LRRIQ3: variants seen among roughly 807,000 people sequenced by gnomAD.
The protein encoded by LRRIQ3 is leucine-rich repeat and IQ domain-containing protein 3.
Under a neutral mutation model 59.3 loss-of-function variants are expected in LRRIQ3, and 75 were observed. The ratio of observed to expected loss-of-function variants is 1.26; its 90% CI spans 1.05 to 1.53. The LOEUF (loss-of-function observed/expected upper bound fraction) is 1.53. LRRIQ3 is among the 40% of genes most tolerant of loss of function. The pLI, the probability that LRRIQ3 is intolerant of heterozygous loss-of-function variation, is 0.00. For synonymous variants in LRRIQ3, 250 were observed against 231.3 expected, an observed-to-expected ratio of 1.08 and a Z score of -0.73; for missense variants, 831 against 710.0, an observed-to-expected ratio of 1.17 and a Z score of -1.94.
intron 1 of LRRIQ3, among the ~76,000 whole-genome samples, chr1:74,193,457 C>T (rs1337186536): frequency 6.6e-6 from 1 of 151,992 alleles, no homozygotes; most frequent in Non-Finnish European, 1.5e-5. Context: ...AGTTATATCT[C>T]ATCTTCACAC....
intron 6 of LRRIQ3, among the ~76,000 whole-genome samples, chr1:74,043,657 T>G (rs1262099427): frequency 1.3e-5 from 2 of 152,120 alleles, no homozygotes; most frequent in East Asian, 3.9e-4. Context: ...TTTAAAAGTC[T>G]CCTAATTTCT....
In LRRIQ3 at chr1:74,026,335, T is replaced by C. The variant is rs563851705; in HGVS notation, c.*478A>G. 2 of 152,286 alleles carry C rather than the reference T, an allele frequency of 1.3e-5. No homozygotes were observed. Among genetic ancestry groups the C allele is most frequent in the East Asian group, 3.9e-4 (2 of 5,182 alleles). The allele number at this position is 152,286 out of a possible 1,614,324, so 9.4% of individuals were successfully genotyped here. The stretch of plus-strand genomic sequence containing the variant: ...CACTGACAAAATATTGAAACCATAC[T>C]TTAAAAAATAAATTCAGAAATTGTT... On this transcript the variant is annotated 3_prime_UTR_variant, in exon 8 of 8. Coordinates refer to ENST00000354431, the MANE Select transcript of LRRIQ3 (RefSeq NM_001105659.2).
chr1:74,072,093 T>G (rs909937549), intron 6 of LRRIQ3, among the ~76,000 whole-genome samples: 1 of 152,144 alleles, frequency 6.6e-6, no homozygotes, highest in Admixed American at 6.5e-5. Context: ...AGTTTGATTA[T>G]CACCATTATA....
chr1:74,154,227 C>G lies in LRRIQ3; in HGVS notation c.707+1506G>C, dbSNP rs1441764022. Reference sequence around the variant, plus strand: ...CTGCACTGCAGCCTGGGCGACAGAGCGAGACTCCTTCTCAAAAAAAAAAAA... The same window carrying G: ...CTGCACTGCAGCCTGGGCGACAGAGGGAGACTCCTTCTCAAAAAAAAAAAA... On this transcript the variant is annotated intron_variant, in intron 4 of 7. Coordinates refer to ENST00000354431, the MANE Select transcript of LRRIQ3 (RefSeq NM_001105659.2). Among the ~76,000 whole-genome samples, 55 of 102,478 alleles carry G rather than the reference C, an allele frequency of 5.4e-4. No homozygotes were observed. The East Asian group carries it at 6.0e-3, about 11-fold the overall frequency. 67.2% of individuals were successfully genotyped at this position (102,478 alleles called of 152,430 possible).
rs1388266904 is a variant in LRRIQ3, at chr1:74,041,752, G to A, written c.1179C>T (p.Ile393=). 6.2e-7 allele frequency: 1 copy of A among 1,613,566 alleles called. No individual in the cohort carries two copies. The highest frequency in any genetic ancestry group is 2.2e-5 in the East Asian group (1 of 44,816). Residue 393 remains isoleucine (I), a synonymous_variant, in exon 7 of 8, where the codon ATC becomes ATT. Coordinates refer to ENST00000354431, the MANE Select transcript of LRRIQ3 (RefSeq NM_001105659.2). ...QPIYTTHPKP[I]IKKDIRLERS... ...GCTCCAATCGTATGTCTTTTTTAAT[G>A]ATTGGCTTTGGATGAGTAGTATAGA...
chr1:74,045,728 A>C (rs1482380463), intron 6 of LRRIQ3, among the ~76,000 whole-genome samples: 1 of 152,204 alleles, frequency 6.6e-6, no homozygotes, highest in Non-Finnish European at 1.5e-5. Flanking sequence ...TCTCAGCCCA[A>C]AATCTCCTTA....
intron 3 of LRRIQ3, among the ~76,000 whole-genome samples, chr1:74,174,657 G>C (rs1455994665): frequency 6.6e-6 from 1 of 151,450 alleles, no homozygotes; most frequent in African/African-American, 2.4e-5. Flanking sequence ...GCCTCTGAAA[G>C]TGCTGGGATT....
chr1:74,056,826 T>G (rs893078428), intron 6 of LRRIQ3, among the ~76,000 whole-genome samples: 4 of 152,134 alleles, frequency 2.6e-5, no homozygotes, highest in African/African-American at 9.7e-5. Context: ...ACTTGAATTG[T>G]TACCCCCACA....
intron 4 of LRRIQ3, among the ~76,000 whole-genome samples, chr1:74,137,175 T>A (rs996811841): frequency 2.0e-5 from 3 of 151,924 alleles, no homozygotes; most frequent in African/African-American, 4.8e-5. Context: ...TAAATTTTTT[T>A]AAATTCACTC....
In LRRIQ3 at chr1:74,037,330, G is replaced by T. The variant is rs1162769572; in HGVS notation, c.1718+3883C>A. On this transcript the variant is annotated intron_variant, in intron 7 of 7. Transcript: ENST00000354431. Reference sequence around the variant, plus strand: ...AATCCTGCACTGGCAACTGAGGTATGCAGGGTCTTCATCAAAACTGACTAG... The same window carrying T: ...AATCCTGCACTGGCAACTGAGGTATTCAGGGTCTTCATCAAAACTGACTAG... Among the ~76,000 whole-genome samples the T allele has an allele frequency of 2.0e-5, 3 of 152,230 alleles. No homozygotes were observed. In the East Asian group the frequency reaches 5.8e-4, roughly 29 times the overall value.
chr1:74,044,783 C>A (rs755077220), intron 6 of LRRIQ3, among the ~76,000 whole-genome samples: 1 of 152,100 alleles, frequency 6.6e-6, no homozygotes, highest in Non-Finnish European at 1.5e-5. Context: ...GGGGATATCA[C>A]CACCGATTCC....
intron 4 of LRRIQ3, among the ~76,000 whole-genome samples, chr1:74,109,895 C>G (rs1324158596): frequency 6.6e-6 from 1 of 151,098 alleles, no homozygotes; most frequent in African/African-American, 2.4e-5. Context: ...TATTTTTTTT[C>G]CAAACCTAGT....
At chr1:74,121,421 C>G (rs144311929) in intron 4 of LRRIQ3, among the ~76,000 whole-genome samples, 1 of 152,136 alleles carries the variant, frequency 6.6e-6, no homozygotes, top group Non-Finnish European at 1.5e-5. Context: ...CCTAGGCTTG[C>G]GCTGACTGCT....
intron 1 of LRRIQ3, among the ~76,000 whole-genome samples, chr1:74,191,533 C>A (rs1650769477): frequency 6.6e-6 from 1 of 152,044 alleles, no homozygotes; most frequent in Admixed American, 6.6e-5. Flanking sequence ...AGACAGACCA[C>A]ATTCTGGGCC....
chr1:74,096,542 G>T (rs184515291), intron 5 of LRRIQ3, among the ~76,000 whole-genome samples: 3 of 152,136 alleles, frequency 2.0e-5, no homozygotes, highest in Admixed American at 6.6e-5. Flanking sequence ...AAGCCTTCTC[G>T]CAACTCGTTA....
intron 4 of LRRIQ3, 188 bp downstream of exon 4, chr1:74,155,545 T>C (rs930853626): frequency 4.7e-5 from 18 of 379,816 alleles, no homozygotes; most frequent in African/African-American, 3.6e-4. Context: ...AAATATCAAA[T>C]GTTGATTATG....
chr1:74,122,178 G>A (rs1380365290), intron 4 of LRRIQ3, among the ~76,000 whole-genome samples: 2 of 152,132 alleles, frequency 1.3e-5, no homozygotes, highest in African/African-American at 4.8e-5. Context: ...CACAATGGTT[G>A]AACTAGTGTA....
chr1:74,183,766 A>G, intron 1 of LRRIQ3, 82 bp from the exon 2 acceptor site: 1 of 1,229,386 alleles, frequency 8.1e-7, no homozygotes, highest in South Asian at 1.8e-5. Context: ...TTGCCAAGAG[A>G]TAGCGCAAGT....
intron 4 of LRRIQ3, among the ~76,000 whole-genome samples, chr1:74,109,884 T>C (rs1646669379): frequency 6.6e-6 from 1 of 151,594 alleles, no homozygotes; most frequent in African/African-American, 2.4e-5. Flanking sequence ...CAGTGTGAAG[T>C]TATTTTTTTT....
Sources: allele counts gnomAD v4.1 joint callset (sites outside exome capture counted in the v4.1 genomes callset), GRCh38; gene constraint gnomAD v4.1.1; transcripts MANE v1.5; gene names NCBI Gene and HGNC (gene_info 2026-07-23, HGNC 2026-07-21).